The following CCM2L variants were observed in gnomAD, a reference collection of about 807,000 sequenced individuals.
CCM2L encodes CCM2 like scaffold protein.
A neutral mutation model predicts 54.1 loss-of-function variants in CCM2L; 36 were observed. That is an observed-to-expected ratio of 0.67 (90% confidence interval 0.51 to 0.88). CCM2L has a LOEUF of 0.88. Among genes scored for constraint, CCM2L ranks in the 40% least tolerant of loss-of-function variants. The pLI, the probability that CCM2L is intolerant of heterozygous loss-of-function variation, is 0.00. For synonymous variants in CCM2L, 351 were observed against 359.3 expected (o/e 0.98, Z 0.26); for missense variants, 700 against 812.1 (o/e 0.86, Z 1.68).
chr20:32,026,061 C>T (rs779142770), intron 7 of CCM2L, 142 bp downstream of exon 7: 59 of 529,492 alleles, frequency 1.1e-4, no homozygotes, highest in Non-Finnish European at 9.9e-5. Flanking sequence ...AAACTGAGCT[C>T]CCTGACTCTG....
At chr20:32,012,041 G>A in intron 1 of CCM2L, among the ~76,000 whole-genome samples, 1 of 151,780 alleles carries the variant, frequency 6.6e-6, no homozygotes, top group African/African-American at 2.4e-5. Flanking sequence ...AGCCTTTGAG[G>A]CATCCAGAAT....
Position 32,031,363 on chromosome 20 carries a change from A to G in CCM2L, c.*49A>G, listed in dbSNP as rs1290591254. 4.1e-6 allele frequency: 5 copies of G among 1,221,696 alleles called. No individual in the cohort carries two copies. The highest frequency in any genetic ancestry group is 5.2e-6 in the Non-Finnish European group (5 of 957,654). The allele number at this position is 1,221,696 out of a possible 1,614,324, so 75.7% of individuals were successfully genotyped here. Reference sequence around the variant, plus strand: ...GCTCAGCAGCCCACCTCTGAGTCTCAGCTTTGCTTCGGGGACCCTATCCCC... The same window carrying G: ...GCTCAGCAGCCCACCTCTGAGTCTCGGCTTTGCTTCGGGGACCCTATCCCC... On this transcript the variant is annotated 3_prime_UTR_variant, in exon 10 of 10. Coordinates refer to ENST00000452892, the MANE Select transcript of CCM2L (RefSeq NM_001365692.1).
chr20:32,025,941 G>A, intron 7 of CCM2L, 22 bp downstream of exon 7: 1 of 1,303,216 alleles, frequency 7.7e-7, no homozygotes, highest in Non-Finnish European at 1.0e-6. Flanking sequence ...CCCTGTCAGG[G>A]ACTCCACCCT....
At position 32,022,705 on chromosome 20, in the gene CCM2L, A is replaced by T. The variant is rs140563493; in HGVS notation, c.979A>T (p.Ile327Phe). The T allele has an allele frequency of 3.7e-3, 5,903 of 1,614,148 alleles. 21 individuals carry two copies. The highest frequency in any genetic ancestry group is 9.8e-3 in the Middle Eastern group (59 of 6,048). The change falls in exon 6 of 10, where the codon ATC (isoleucine) becomes TTC (phenylalanine). Residue 327 changes from isoleucine to phenylalanine, a missense_variant. Coordinates refer to ENST00000452892, the MANE Select transcript of CCM2L (RefSeq NM_001365692.1). ...CGCACTCATCTGTCAGGTCTTCCAG[A>T]TCATCTACGGGGACCAGAGTATTGA... is the stretch of plus-strand genomic sequence containing the variant. ...SCALICQVFQ[I>F]IYGDQSIECV...
intron 4 of CCM2L, 150 bp from the exon 5 acceptor site, chr20:32,018,793 G>A (rs1209189080): frequency 1.7e-5 from 17 of 1,024,682 alleles, no homozygotes; most frequent in Non-Finnish European, 2.0e-5. Context: ...AAGCGGAGTG[G>A]GCGGGGAACC....
At chr20:32,022,508 T>C (rs1160354569) in intron 5 of CCM2L, 152 bp from the exon 6 acceptor site, 3 of 805,106 alleles carry the variant, frequency 3.7e-6, no homozygotes, top group Non-Finnish European at 5.7e-6. Flanking sequence ...AGAGTAGCCA[T>C]CGAATTTTGA....
Position 32,022,728 on chromosome 20 carries a change from T to C in CCM2L, c.1002T>C (p.Ile334=). The part of the protein sequence containing the change: ...VFQIIYGDQS[I]ECVDRAGYHY... ...AGATCATCTACGGGGACCAGAGTAT[T>C]GAGTGTGTGGACCGGGCTGGCTACC... The change falls in exon 6 of 10, where the codon ATT becomes ATC. Residue 334 remains isoleucine (I), a synonymous_variant. Transcript: ENST00000452892. 1 of 1,614,028 alleles carries C rather than the reference T, an allele frequency of 6.2e-7. No homozygotes were observed. Among genetic ancestry groups the C allele is most frequent in the Non-Finnish European group, 8.5e-7 (1 of 1,180,006 alleles).
rs367907110 is a variant in CCM2L at position 32,011,670 on chromosome 20, G to C, written c.30+1186G>C. Among the ~76,000 whole-genome samples the C allele has an allele frequency of 7.2e-4, 110 of 152,234 alleles. 3 individuals carry two copies. In the South Asian group the frequency reaches 0.022, roughly 31 times the overall value. On this transcript the variant is annotated intron_variant, in intron 1 of 9. Coordinates refer to ENST00000452892, the MANE Select transcript of CCM2L (RefSeq NM_001365692.1). ...CCCATACTCAGTGCTGGAGGAAACT[G>C]ATCAGTTTGAGTCGAGAACTGACGG...
chr20:32,031,465 GC>G lies in CCM2L; in HGVS notation c.*153del. 1.8e-6 allele frequency: 1 copy of G among 546,070 alleles called. No homozygotes were observed. Among genetic ancestry groups the G allele is most frequent in the Non-Finnish European group, 2.8e-6 (1 of 358,284 alleles). The allele number at this position is 546,070 out of a possible 1,614,324, so 33.8% of individuals were successfully genotyped here. A position where few individuals can be genotyped will look rare whatever the true frequency, so the allele number is the denominator to read the frequency against. ...TCGCTCCCTGCCCTTGGGGCCCGGG[GC>G]CATGCAGTACCTGGAGTGTCCTGCA... On this transcript the variant is annotated 3_prime_UTR_variant, in exon 10 of 10. Transcript: ENST00000452892.
chr20:32,029,089 C>T lies in CCM2L; in HGVS notation c.1228C>T (p.Leu410=). 6.2e-7 allele frequency: 1 copy of T among 1,614,212 alleles called. No individual in the cohort carries two copies. Among genetic ancestry groups the T allele is most frequent in the Non-Finnish European group, 8.5e-7 (1 of 1,180,044 alleles). The change falls in exon 8 of 10, where the codon CTG becomes TTG. Residue 410 remains leucine, a synonymous_variant. Coordinates refer to ENST00000452892, the MANE Select transcript of CCM2L (RefSeq NM_001365692.1). Reference sequence around the variant, plus strand: ...CTGCAGCGGCAGCGACCACAGCAGTCTGGGCTTGGAGCAGTTACAGGATTA... The same window carrying T: ...CTGCAGCGGCAGCGACCACAGCAGTTTGGGCTTGGAGCAGTTACAGGATTA... ...SHCSGSDHSS[L]GLEQLQDYMV...
At chr20:32,028,868 A>G in intron 7 of CCM2L, 127 bp from the exon 8 acceptor site, 3 of 1,221,374 alleles carry the variant, frequency 2.5e-6, no homozygotes, top group Non-Finnish European at 3.4e-6. Flanking sequence ...GAGAGGTGCC[A>G]GGGGCCAGGG....
intron 6 of CCM2L, among the ~76,000 whole-genome samples, chr20:32,024,680 A>T (rs2064837420): frequency 6.6e-6 from 1 of 152,212 alleles, no homozygotes; most frequent in Non-Finnish European, 1.5e-5. Context: ...TACAAAAATT[A>T]GCTGGGCATG....
At chr20:32,019,461 C>A (rs771769712) in intron 5 of CCM2L, 52 bp downstream of exon 5, 4 of 1,271,916 alleles carry the variant, frequency 3.1e-6, no homozygotes, top group Admixed American at 2.9e-5. Flanking sequence ...AACGCTGCTT[C>A]CCCGCCCCCA....
chr20:32,031,507 C>A lies in CCM2L; in HGVS notation c.*193C>A, dbSNP rs2064928965. The A allele has an allele frequency of 2.8e-6, 1 of 358,804 alleles. No individual in the cohort carries two copies. The highest frequency in any genetic ancestry group is 2.7e-5 in the South Asian group (1 of 36,836). 22.2% of individuals were successfully genotyped at this position (358,804 alleles called of 1,614,324 possible). A position where few individuals can be genotyped will look rare whatever the true frequency, so the allele number is the denominator to read the frequency against. The stretch of plus-strand genomic sequence containing the variant: ...GTGTCCTGCAGGGGGAAAGCGAAGC[C>A]GGGCCCTGAAGTCCGGGGCAGTCAC... On this transcript the variant is annotated 3_prime_UTR_variant, in exon 10 of 10. Transcript: ENST00000452892.
intron 4 of CCM2L, 39 bp from the exon 5 acceptor site, chr20:32,018,903 TC>T: frequency 7.9e-7 from 1 of 1,268,546 alleles, no homozygotes; most frequent in Non-Finnish European, 9.9e-7. Context: ...GGTCTCTGAG[TC>T]CCGATCCCCG....
chr20:32,027,425 AT>A (rs2122366169), intron 7 of CCM2L, among the ~76,000 whole-genome samples: 1 of 152,326 alleles, frequency 6.6e-6, no homozygotes, highest in South Asian at 2.1e-4. Flanking sequence ...AAAGCACTTT[AT>A]TTTTTCATCA....
intron 2 of CCM2L, among the ~76,000 whole-genome samples, chr20:32,015,598 ATGTG>A (rs369188417): frequency 2.6e-4 from 39 of 152,148 alleles, no homozygotes; most frequent in African/African-American, 8.2e-4. Flanking sequence ...TTGCAGGAAT[ATGTG>A]TGTGTGTGTA....
intron 7 of CCM2L, chr20:32,028,694 T>G: frequency 2.6e-6 from 1 of 386,326 alleles, no homozygotes; most frequent in South Asian, 2.9e-5. Flanking sequence ...TGAGTAAGAG[T>G]TAGCTGTGCA....
intron 9 of CCM2L, 21 bp downstream of exon 9, chr20:32,029,859 C>A: frequency 6.4e-7 from 1 of 1,574,636 alleles, no homozygotes; most frequent in Non-Finnish European, 8.6e-7. Flanking sequence ...GCTGTACCCC[C>A]AGAGGTCAGC....
Sources: allele counts gnomAD v4.1 joint callset (sites outside exome capture counted in the v4.1 genomes callset), GRCh38; gene constraint gnomAD v4.1.1; transcripts MANE v1.5; gene names NCBI Gene and HGNC (gene_info 2026-07-23, HGNC 2026-07-21).